ZMYM6: variants seen among roughly 807,000 people sequenced by gnomAD.
ZMYM6 encodes zinc finger MYM-type protein 6.
ZMYM6 carries 90 observed loss-of-function variants against 134.0 expected under a neutral mutation model. The ratio of observed to expected loss-of-function variants is 0.67; its 90% CI spans 0.57 to 0.80. ZMYM6 has a LOEUF of 0.80. ZMYM6 is among the 30% of genes least tolerant of loss of function. The pLI, the probability that ZMYM6 is intolerant of heterozygous loss-of-function variation, is 0.00. For synonymous variants in ZMYM6, 481 were observed against 524.1 expected, an observed-to-expected ratio of 0.92 and a Z score of 1.12; for missense variants, 1,362 against 1,533.9, an observed-to-expected ratio of 0.89 and a Z score of 1.87.
At chr1:34,992,170 A>T (rs769769276) in intron 15 of ZMYM6, 64 bp downstream of exon 15, 2 of 1,604,078 alleles carry the variant, frequency 1.2e-6, no homozygotes, top group African/African-American at 2.7e-5. Flanking sequence ...TTCCTTTCTT[A>T]AAAAACAAAA....
At chr1:35,012,944 G>A (rs1641112104) in intron 6 of ZMYM6, 4 of 985,016 alleles carry the variant, frequency 4.1e-6, no homozygotes, top group African/African-American at 3.5e-5. Flanking sequence ...CAATCTAGAA[G>A]AGTCTACCAC....
At chr1:34,992,128 T>C in intron 15 of ZMYM6, 106 bp downstream of exon 15, 1 of 1,439,824 alleles carries the variant, frequency 6.9e-7, no homozygotes, top group South Asian at 1.2e-5. Context: ...AAGGAATGTT[T>C]TCACATTTAA....
intron 14 of ZMYM6, among the ~76,000 whole-genome samples, chr1:35,000,565 G>A (rs1640862946): frequency 6.6e-6 from 1 of 151,922 alleles, no homozygotes; most frequent in South Asian, 2.1e-4. Context: ...GCAAAAACCT[G>A]GAAACGATCT....
chr1:35,009,555 A>C (rs1641047302), intron 10 of ZMYM6, among the ~76,000 whole-genome samples: 2 of 152,230 alleles, frequency 1.3e-5, no homozygotes. Flanking sequence ...GTCATAGCTA[A>C]ACTTATGAAG....
At chr1:35,031,775 G>GC (rs1018539944) in intron 1 of ZMYM6, 40 bp downstream of exon 1, 3 of 152,630 alleles carry the variant, frequency 2.0e-5, no homozygotes, top group East Asian at 1.9e-4. Context: ...TGTGGCCTCC[G>GC]CCCCGCCGTC....
intron 4 of ZMYM6, chr1:35,018,252 G>C (rs1641241082): frequency 1.3e-5 from 2 of 151,982 alleles, no homozygotes; most frequent in Non-Finnish European, 2.9e-5. Context: ...GCTGAGGTGG[G>C]AGGATCATCT....
At position 34,986,348 on chromosome 1, in the gene ZMYM6, G is replaced by C. The variant is rs1367637495; in HGVS notation, c.*756C>G. 6.6e-6 allele frequency: 1 copy of C among 152,218 alleles called. No homozygotes were observed. The highest frequency in any genetic ancestry group is 2.4e-5 in the African/African-American group (1 of 41,448). The allele number at this position is 152,218 out of a possible 1,614,324, so 9.4% of individuals were successfully genotyped here. On this transcript the variant is annotated 3_prime_UTR_variant, in exon 16 of 16. Transcript: ENST00000357182. ...TGCTAAGCCCTGGTATATTGGGCCA[G>C]AAAGGCCCCAAGCAGGGGTCTCAAA... is the stretch of plus-strand genomic sequence containing the variant.
intron 12 of ZMYM6, among the ~76,000 whole-genome samples, chr1:35,005,672 T>G (rs1374427879): frequency 2.0e-5 from 3 of 149,580 alleles, no homozygotes; most frequent in Non-Finnish European, 4.4e-5. Context: ...AGCTTCAGGA[T>G]TCACTGGACT....
intron 14 of ZMYM6, 62 bp from the exon 15 acceptor site, chr1:34,992,449 T>C: frequency 6.6e-7 from 1 of 1,524,808 alleles, no homozygotes; most frequent in Non-Finnish European, 8.9e-7. Flanking sequence ...TCACTGACTA[T>C]AATTGCTATC....
rs182825994 is a variant in ZMYM6, at chr1:34,995,478, G to T, written c.1993-3091C>A. 7.2e-5 allele frequency among the ~76,000 whole-genome samples: 11 copies of T among 151,920 alleles called. No homozygotes were observed. In the South Asian group the frequency reaches 1.9e-3, roughly 26 times the overall value. ...ATAAATTAGGCATAAGAGGTTAACA[G>T]TAACTACTAAATAGAACAATTATAA... On this transcript the variant is annotated intron_variant, in intron 14 of 15. Transcript: ENST00000357182.
At chr1:35,019,281 A>G (rs1465475790) in intron 4 of ZMYM6, 72 bp downstream of exon 4, 1 of 1,590,002 alleles carries the variant, frequency 6.3e-7, no homozygotes, top group Non-Finnish European at 8.6e-7. Context: ...AAGTATCAAC[A>G]GTATGTTTGA....
rs1274368571 is a variant in ZMYM6 at position 34,988,912 on chromosome 1, T to C, written c.2170A>G (p.Asn724Asp). 3.7e-6 allele frequency: 6 copies of C among 1,612,082 alleles called. No homozygotes were observed. The highest frequency in any genetic ancestry group is 4.2e-6 in the Non-Finnish European group (5 of 1,179,666). ...QTDLPMPNEK[N>D]DAELDSPPSK... The stretch of plus-strand genomic sequence containing the variant: ...GGTGGAGAATCAAGTTCTGCATCAT[T>C]TTTTTCATTAGGCATAGGTAAATCT... Residue 724 changes from asparagine to aspartate, a missense_variant, in exon 16 of 16, where the codon AAT (asparagine) becomes GAT (aspartate). This residue lies in a region of ZMYM6 where 824 missense variants were observed against 940.9 expected (regional missense o/e 0.88). Transcript: ENST00000357182.
At chr1:34,997,804 C>T (rs528992107) in intron 14 of ZMYM6, among the ~76,000 whole-genome samples, 1 of 152,246 alleles carries the variant, frequency 6.6e-6, no homozygotes, top group South Asian at 2.1e-4. Flanking sequence ...TTTCTGAGTA[C>T]ATACTTACAA....
intron 14 of ZMYM6, among the ~76,000 whole-genome samples, chr1:34,993,631 C>T (rs950182158): frequency 6.6e-6 from 1 of 152,140 alleles, no homozygotes; most frequent in Non-Finnish European, 1.5e-5. Flanking sequence ...AGGACATGGA[C>T]ATCTTTGGGG....
At chr1:35,026,920 G>T (rs938126716) in intron 2 of ZMYM6, among the ~76,000 whole-genome samples, 3 of 152,012 alleles carry the variant, frequency 2.0e-5, no homozygotes, top group Non-Finnish European at 4.4e-5. Context: ...GAAAGATGAG[G>T]AGGAGATGGC....
At position 34,992,231 on chromosome 1, in the gene ZMYM6, T is replaced by C. The variant is rs751990492; in HGVS notation, c.2146+3A>G. On this transcript the variant is annotated splice_donor_region_variant and intron_variant, in intron 15 of 15. Coordinates refer to ENST00000357182, the MANE Select transcript of ZMYM6 (RefSeq NM_007167.4). Reference sequence around the variant, plus strand: ...GTACATGGGAACGCACAAGGATACATACCTGTCTGACATTCTTTGTGCTGT... The same window carrying C: ...GTACATGGGAACGCACAAGGATACACACCTGTCTGACATTCTTTGTGCTGT... The C allele has an allele frequency of 1.9e-6, 3 of 1,613,924 alleles. No homozygotes were observed. Among genetic ancestry groups the C allele is most frequent in the Non-Finnish European group, 2.5e-6 (3 of 1,179,856 alleles).
At chr1:35,020,537 CA>C (rs200339251) in intron 2 of ZMYM6, 70 bp from the exon 3 acceptor site, 1,814 of 924,102 alleles carry the variant, frequency 2.0e-3, no homozygotes, top group Middle Eastern at 3.5e-3. Flanking sequence ...GAAATTCAAG[CA>C]AAAAAAAATT....
intron 6 of ZMYM6, among the ~76,000 whole-genome samples, 196 bp downstream of exon 6, chr1:35,014,501 G>C (rs549917601): frequency 3.9e-5 from 6 of 152,218 alleles, no homozygotes; most frequent in Non-Finnish European, 8.8e-5. Context: ...CCTTAAAAAA[G>C]GGACCTATTT....
At chr1:35,000,963 GT>G (rs1640870250) in intron 14 of ZMYM6, among the ~76,000 whole-genome samples, 2 of 152,206 alleles carry the variant, frequency 1.3e-5, no homozygotes, top group African/African-American at 4.8e-5. Context: ...CCCACCATCT[GT>G]TTTTGTAAAT....
Sources: allele counts gnomAD v4.1 joint callset (sites outside exome capture counted in the v4.1 genomes callset), GRCh38; gene constraint gnomAD v4.1.1; regional missense constraint gnomAD v4.1.1; transcripts MANE v1.5; gene names NCBI Gene and HGNC (gene_info 2026-07-23, HGNC 2026-07-21).